Variants in ZFHX3 observed in about 807,000 individuals in gnomAD.
The protein encoded by ZFHX3 is zinc finger homeobox protein 3.
A neutral mutation model predicts 279.1 loss-of-function variants in ZFHX3; 42 were observed. The ratio of observed to expected loss-of-function variants is 0.15; its 90% CI spans 0.12 to 0.19. ZFHX3 has a LOEUF of 0.19. Among genes scored for constraint, ZFHX3 ranks in the 10% least tolerant of loss-of-function variants. The probability of loss-of-function intolerance (pLI) is 1.00; values close to 1 mark genes in which losing one functional copy is unlikely to be tolerated. For synonymous variants in ZFHX3, 2,293 were observed against 1,957.8 expected (o/e 1.17, Z -4.52); for missense variants, 4,981 against 4,754.0 (o/e 1.05, Z -1.40).
intron 5 of ZFHX3, among the ~76,000 whole-genome samples, chr16:73,161,225 C>T (rs1039749464): frequency 6.6e-6 from 1 of 152,166 alleles, no homozygotes; most frequent in Non-Finnish European, 1.5e-5. Context: ...AATCCTGTCT[C>T]AGCCTCCCAA....
At chr16:73,360,647 C>G (rs911312915) in intron 3 of ZFHX3, among the ~76,000 whole-genome samples, 1 of 152,158 alleles carries the variant, frequency 6.6e-6, no homozygotes, top group African/African-American at 2.4e-5. Context: ...CCGTATAAAG[C>G]CAGGATTTGA....
chr16:73,802,384 G>A (rs891825357), intron 1 of ZFHX3, among the ~76,000 whole-genome samples: 1 of 152,204 alleles, frequency 6.6e-6, no homozygotes, highest in Admixed American at 6.5e-5. Flanking sequence ...CCCAGTGTAA[G>A]CAATGGCTTG....
intron 4 of ZFHX3, among the ~76,000 whole-genome samples, chr16:73,258,273 G>T (rs952941082): frequency 6.6e-6 from 1 of 151,728 alleles, no homozygotes; most frequent in Non-Finnish European, 1.5e-5. Context: ...CATTGGAAAA[G>T]ATTTGAGCCC....
At chr16:72,969,541 A>T (rs1004979857) in intron 1 of ZFHX3, among the ~76,000 whole-genome samples, 1 of 151,994 alleles carries the variant, frequency 6.6e-6, no homozygotes, top group Non-Finnish European at 1.5e-5. Flanking sequence ...CAGCCCCCAG[A>T]GTGTGAGCAT....
chr16:72,918,695 CTT>C (rs568638106), intron 3 of ZFHX3, among the ~76,000 whole-genome samples: 106 of 130,572 alleles, frequency 8.1e-4, no homozygotes, highest in Admixed American at 1.5e-3. Flanking sequence ...AAAGGTAGTT[CTT>C]TTTTTTTTTT....
At chr16:73,165,631 T>C (rs1435856290) in intron 5 of ZFHX3, among the ~76,000 whole-genome samples, 1 of 152,148 alleles carries the variant, frequency 6.6e-6, no homozygotes, top group Non-Finnish European at 1.5e-5. Context: ...TGGACTAGAC[T>C]CAGAAAATGG....
intron 2 of ZFHX3, among the ~76,000 whole-genome samples, chr16:73,506,285 G>A (rs573083854): frequency 2.0e-5 from 3 of 152,244 alleles, no homozygotes; most frequent in South Asian, 2.1e-4. Context: ...CACCTGGCCC[G>A]GACCCAGTAT....
chr16:72,842,562 G>C (rs1320575017), intron 4 of ZFHX3, among the ~76,000 whole-genome samples: 1 of 152,172 alleles, frequency 6.6e-6, no homozygotes, highest in Admixed American at 6.5e-5. Context: ...CTGAAGATAA[G>C]ACCGTCCCAT....
intron 3 of ZFHX3, among the ~76,000 whole-genome samples, chr16:72,905,136 G>A (rs2039137274): frequency 2.6e-5 from 4 of 152,178 alleles, no homozygotes; most frequent in Non-Finnish European, 1.5e-5. Flanking sequence ...CACTACACCC[G>A]GCCCTTTCTT....
intron 1 of ZFHX3, among the ~76,000 whole-genome samples, chr16:72,994,060 G>GGT (rs1213268062): frequency 6.6e-6 from 1 of 151,942 alleles, no homozygotes; most frequent in African/African-American, 2.4e-5. Context: ...ACAAGCAGTG[G>GGT]GTCTCCACCA....
intron 1 of ZFHX3, among the ~76,000 whole-genome samples, chr16:73,770,597 A>T (rs375926864): frequency 7.5e-4 from 115 of 152,342 alleles, no homozygotes; most frequent in South Asian, 1.0e-3. Context: ...TAAGATATTG[A>T]GATGATCAAC....
chr16:72,897,067 A>G (rs2038918238), intron 3 of ZFHX3, among the ~76,000 whole-genome samples: 1 of 152,182 alleles, frequency 6.6e-6, no homozygotes, highest in Non-Finnish European at 1.5e-5. Context: ...AGCAGAGGAG[A>G]AACCCCATGG....
At chr16:72,904,774 G>GT (rs1269485386) in intron 3 of ZFHX3, among the ~76,000 whole-genome samples, 5 of 133,840 alleles carry the variant, frequency 3.7e-5, no homozygotes, top group Admixed American at 7.1e-5. Context: ...CTCCTTGCCT[G>GT]TGGGGGGGGT....
Position 73,323,456 on chromosome 16 carries a change from G to A in ZFHX3, c.-1290-5120C>T, listed in dbSNP as rs148183975. 4.5e-3 allele frequency among the ~76,000 whole-genome samples: 683 copies of A among 152,286 alleles called. 3 individuals carry two copies. Among genetic ancestry groups the A allele is most frequent in the African/African-American group, 0.015 (631 of 41,558 alleles). On this transcript the variant is annotated intron_variant, in intron 3 of 17. Transcript: ENST00000641206. ...TGAGGGAACAAGGGAGGTAAGCAGT[G>A]TCTGGTGCTATCATTCAGAAGAACA...
At chr16:73,626,335 G>C (rs143511818) in intron 2 of ZFHX3, among the ~76,000 whole-genome samples, 1 of 152,028 alleles carries the variant, frequency 6.6e-6, no homozygotes, top group Non-Finnish European at 1.5e-5. Flanking sequence ...AAAATGCCAC[G>C]CCTTTGGTTT....
chr16:73,714,871 A>G (rs4888649), intron 1 of ZFHX3, among the ~76,000 whole-genome samples: 117,901 of 152,136 alleles, frequency 0.77, 48,497 homozygotes, highest in Non-Finnish European at 0.91. Flanking sequence ...ATGGTAATCT[A>G]TTAGTCCTGC....
intron 1 of ZFHX3, among the ~76,000 whole-genome samples, chr16:73,854,568 G>C (rs1357620736): frequency 4.0e-5 from 6 of 151,854 alleles, no homozygotes; most frequent in Non-Finnish European, 1.5e-5. Flanking sequence ...TGGAAAATAA[G>C]ATGGCTAAAA....
Position 72,851,362 on chromosome 16 carries a change from C to T in ZFHX3, c.3449-21503G>A, listed in dbSNP as rs548358455. ...CCAATGTGGGTGACAGGGAGATACC[C>T]CGACAAGGGGCTCTTCATCAGCCAC... is the stretch of plus-strand genomic sequence containing the variant. On this transcript the variant is annotated intron_variant, in intron 4 of 9. Coordinates refer to ENST00000268489, the MANE Select transcript of ZFHX3 (RefSeq NM_006885.4). Among the ~76,000 whole-genome samples, 93 of 152,266 alleles carry T rather than the reference C, an allele frequency of 6.1e-4. 1 individual carries two copies. In the South Asian group the frequency reaches 0.018, roughly 29 times the overall value.
At chr16:73,298,828 T>A (rs1165036080) in intron 4 of ZFHX3, among the ~76,000 whole-genome samples, 1 of 152,224 alleles carries the variant, frequency 6.6e-6, no homozygotes, top group Non-Finnish European at 1.5e-5. Context: ...TTTGTTTCGT[T>A]ACTGATAGTG....
Sources: gnomAD v4.1 joint callset for allele counts (sites outside exome capture counted in the v4.1 genomes callset) on GRCh38, gnomAD v4.1.1 for gene constraint, MANE v1.5 for transcripts, NCBI Gene and HGNC (gene_info 2026-07-23, HGNC 2026-07-21) for gene names.